The following PSMD2 variants were observed in gnomAD, a reference collection of about 807,000 sequenced individuals.
PSMD2 encodes the protein 26S proteasome non-ATPase regulatory subunit 2.
A neutral mutation model predicts 101.5 loss-of-function variants in PSMD2; 8 were observed. The observed-to-expected ratio is 0.08, with a 90% CI of 0.05 to 0.14. The LOEUF (loss-of-function observed/expected upper bound fraction) is 0.14, where lower values mean the gene tolerates loss of function less well. Ranked by LOEUF, PSMD2 falls within the 10% of genes least tolerant of loss-of-function variation. PSMD2 has a pLI of 1.00. For synonymous variants in PSMD2, 418 were observed against 433.8 expected (o/e 0.96, Z 0.45); for missense variants, 784 against 1,147.4 (o/e 0.68, Z 4.58).
chr3:184,299,727 G>A (rs746498127), intron 1 of PSMD2, 124 bp from the exon 2 acceptor site: 28 of 801,220 alleles, frequency 3.5e-5, no homozygotes, highest in Non-Finnish European at 5.2e-5. Context: ...ATTCCCACTC[G>A]GTTTCCTTGT....
rs1480763910 is a variant in PSMD2, at chr3:184,305,918, C to T, written c.1690C>T (p.Leu564Phe). 1 of 1,613,978 alleles carries T rather than the reference C, an allele frequency of 6.2e-7. No homozygotes were observed. The highest frequency in any genetic ancestry group is 1.1e-5 in the South Asian group (1 of 91,078). ...TCGTTGGCTTCCTCTTGGACTGGGT[C>T]TCAACCACCTGGGTGAGGGGATGTT... ...YARWLPLGLG[L>F]NHLGKGEAIE... is the part of the protein sequence containing the mutation. Residue 564 changes from leucine (L) to phenylalanine (F), a missense_variant, in exon 13 of 21, where the codon CTC (leucine) becomes TTC (phenylalanine). By Grantham distance (22) the Leu-to-Phe change is conservative (BLOSUM62 0). This residue lies in a region of PSMD2 where 282 missense variants were observed against 437.6 expected (regional missense o/e 0.64). Transcript: ENST00000310118.
chr3:184,307,076 C>G (rs569072131), intron 16 of PSMD2, among the ~76,000 whole-genome samples: 2 of 152,264 alleles, frequency 1.3e-5, no homozygotes, highest in Admixed American at 1.3e-4. Context: ...TCACAAGTAG[C>G]TGGGACTACA....
intron 1 of PSMD2, 125 bp downstream of exon 1, chr3:184,299,526 C>T (rs1721571833): frequency 2.4e-6 from 3 of 1,228,686 alleles, no homozygotes; most frequent in South Asian, 2.2e-5. Context: ...GGGCGACCCT[C>T]GGGACTCCCG....
chr3:184,308,958 G>A lies in PSMD2; in HGVS notation c.*68G>A. On this transcript the variant is annotated 3_prime_UTR_variant, in exon 21 of 21. Transcript: ENST00000310118. This position sits in a 1 kb window ranked among gnomAD's most constrained non-coding sequence, Gnocchi z 6.0. ...GGCCATGCATCCTGCTGCCAAGGGT[G>A]GACACGGCTGCAGACTTCTGGGGGA... 6.7e-7 allele frequency: 1 copy of A among 1,483,486 alleles called. No individual in the cohort carries two copies. The highest frequency in any genetic ancestry group is 9.2e-7 in the Non-Finnish European group (1 of 1,086,128). The allele number at this position is 1,483,486 out of a possible 1,614,324, so 91.9% of individuals were successfully genotyped here. A position where few individuals can be genotyped will look rare whatever the true frequency, so the allele number is the denominator to read the frequency against.
intron 17 of PSMD2, 35 bp from the exon 18 acceptor site, chr3:184,307,579 C>T: frequency 6.2e-7 from 1 of 1,614,030 alleles, no homozygotes; most frequent in Non-Finnish European, 8.5e-7. Flanking sequence ...ATTTGAAGCC[C>T]CTTTTTTCAC....
Position 184,306,088 on chromosome 3 carries a change from A to G in PSMD2, c.1737A>G (p.Ala579=), listed in dbSNP as rs756677510. The change falls in exon 14 of 21, where the codon GCA becomes GCG. Residue 579 remains alanine, a synonymous_variant. Coordinates refer to ENST00000310118, the MANE Select transcript of PSMD2 (RefSeq NM_002808.5). Reference sequence around the variant, plus strand: ...AGGCCATCGAGGCAATCCTGGCTGCACTGGAGGTTGTGTCAGAGCCATTCC... The same window carrying G: ...AGGCCATCGAGGCAATCCTGGCTGCGCTGGAGGTTGTGTCAGAGCCATTCC... ...KGEAIEAILA[A]LEVVSEPFRS... is the part of the protein sequence containing the mutation. The G allele has an allele frequency of 6.2e-7, 1 of 1,614,058 alleles. No individual in the cohort carries two copies. The highest frequency in any genetic ancestry group is 8.5e-7 in the Non-Finnish European group (1 of 1,180,048).
Position 184,304,324 on chromosome 3 carries a change from G to C in PSMD2, c.1472G>C (p.Gly491Ala). Residue 491 changes from glycine (G) to alanine (A), a missense_variant, in exon 12 of 21, where the codon GGC becomes GCC. Around this residue, in one of 6 missense-constraint regions of PSMD2, gnomAD observed 282 missense variants for 437.6 expected, o/e 0.64. Transcript: ENST00000310118. The surrounding 1 kb of genome is among the most constrained non-coding windows in gnomAD (Gnocchi z 4.1). ...TGCAGGCTAGGCTTGGCTTATGCTG[G>C]CTCAAATCGTGAAGATGTCCTAACA... Reference protein sequence around the residue: ...SIFGLGLAYAGSNREDVLTLL... With the variant: ...SIFGLGLAYAASNREDVLTLL... The C allele has an allele frequency of 6.2e-7, 1 of 1,614,222 alleles. No homozygotes were observed. Among genetic ancestry groups the C allele is most frequent in the Non-Finnish European group, 8.5e-7 (1 of 1,180,046 alleles).
chr3:184,302,855 T>C, intron 7 of PSMD2, 32 bp downstream of exon 7: 1 of 1,613,608 alleles, frequency 6.2e-7, no homozygotes, highest in Non-Finnish European at 8.5e-7. Context: ...CAAGGCCTTT[T>C]CGTCATAATT....
In PSMD2 at chr3:184,306,342, T is replaced by G; in HGVS notation, c.1805-8T>G. On this transcript the variant is annotated splice_region_variant and splice_polypyrimidine_tract_variant and intron_variant, in intron 14 of 20. Coordinates refer to ENST00000310118, the MANE Select transcript of PSMD2 (RefSeq NM_002808.5). ...TTCTGTCCATTCTCCCTCACCACCCTGACGCAGGCTCTGGGAATGTGCTGA... is the reference window on the plus strand; with the variant it reads ...TTCTGTCCATTCTCCCTCACCACCCGGACGCAGGCTCTGGGAATGTGCTGA... 1 of 1,612,712 alleles carries G rather than the reference T, an allele frequency of 6.2e-7. No individual in the cohort carries two copies. The highest frequency in any genetic ancestry group is 8.5e-7 in the Non-Finnish European group (1 of 1,179,470).
Position 184,304,172 on chromosome 3 carries a change from T to G in PSMD2, c.1451+98T>G, listed in dbSNP as rs1327278412. 1 of 1,559,606 alleles carries G rather than the reference T, an allele frequency of 6.4e-7. No individual in the cohort carries two copies. Among genetic ancestry groups the G allele is most frequent in the Non-Finnish European group, 8.8e-7 (1 of 1,131,480 alleles). On this transcript the variant is annotated intron_variant, in intron 11 of 20. Transcript: ENST00000310118. This position sits in a 1 kb window ranked among gnomAD's most constrained non-coding sequence, Gnocchi z 4.1. ...CACCCATATTGCCAAGGGCTACCAC[T>G]GTGCCTATTGGGTATCTGGCTCTTG... is the stretch of plus-strand genomic sequence containing the variant.
At chr3:184,300,503 A>T (rs1721605724) in intron 3 of PSMD2, 59 bp downstream of exon 3, 1 of 1,570,092 alleles carries the variant, frequency 6.4e-7, no homozygotes, top group South Asian at 1.2e-5. Flanking sequence ...TACCCAGATC[A>T]TGGGGGGACT....
intron 6 of PSMD2, 65 bp downstream of exon 6, chr3:184,302,593 G>A (rs1721682620): frequency 6.2e-7 from 1 of 1,611,238 alleles, no homozygotes; most frequent in African/African-American, 1.3e-5. Flanking sequence ...AAAGAGCTGG[G>A]ACTTGTAGTT....
At chr3:184,300,738 A>C in intron 3 of PSMD2, 2 of 898,570 alleles carry the variant, frequency 2.2e-6, no homozygotes. Flanking sequence ...ACATTCATTT[A>C]TCTCTAAAAT....
rs753110572 is a variant in PSMD2, at chr3:184,308,408, CT to C, written c.2426-36del. On this transcript the variant is annotated intron_variant, in intron 19 of 20. Coordinates refer to ENST00000310118, the MANE Select transcript of PSMD2 (RefSeq NM_002808.5). The surrounding 1 kb of genome is among the most constrained non-coding windows in gnomAD (Gnocchi z 6.0). ...TCTCAATGTTTCTGGCCAGGCCTGT[CT>C]TTTTGTCTCTTAACTTTTTGTCCTG... 1.3e-6 allele frequency: 2 copies of C among 1,514,896 alleles called. No homozygotes were observed. The highest frequency in any genetic ancestry group is 1.8e-6 in the Non-Finnish European group (2 of 1,104,192). 93.8% of individuals were successfully genotyped at this position (1,514,896 alleles called of 1,614,324 possible).
chr3:184,300,873 ACAGTCTGT>A (rs1175089118), intron 3 of PSMD2, among the ~76,000 whole-genome samples: 2 of 151,622 alleles, frequency 1.3e-5, no homozygotes, highest in African/African-American at 4.8e-5. Context: ...TTGTTCCTAC[ACAGTCTGT>A]CTCTCATGTA....
In PSMD2 at chr3:184,304,285, C is replaced by T. The variant is rs372603643; in HGVS notation, c.1452-19C>T. On this transcript the variant is annotated intron_variant, in intron 11 of 20. Transcript: ENST00000310118. The surrounding 1 kb of genome is among the most constrained non-coding windows in gnomAD (Gnocchi z 4.1). ...TCGTTGGGTATGTGTTGGGGACCGC[C>T]TTTCCATGGCTTTTGCAGGCTAGGC... The T allele has an allele frequency of 3.4e-5, 55 of 1,613,524 alleles. No homozygotes were observed. The Middle Eastern group carries it at 8.2e-4, about 24-fold the overall frequency.
chr3:184,300,206 A>G, intron 2 of PSMD2, 74 bp from the exon 3 acceptor site: 1 of 1,409,214 alleles, frequency 7.1e-7, no homozygotes, highest in Non-Finnish European at 9.8e-7. Flanking sequence ...GGAGTTGTTA[A>G]GTTAAATATC....
At position 184,307,380 on chromosome 3, in the gene PSMD2, C is replaced by G; in HGVS notation, c.2058C>G (p.Leu686=). 6.2e-7 allele frequency: 1 copy of G among 1,614,172 alleles called. No homozygotes were observed. Among genetic ancestry groups the G allele is most frequent in the Non-Finnish European group, 8.5e-7 (1 of 1,179,996 alleles). The change falls in exon 17 of 21, where the codon CTC becomes CTG. Residue 686 remains leucine, a synonymous_variant. Coordinates refer to ENST00000310118, the MANE Select transcript of PSMD2 (RefSeq NM_002808.5). ...GHLLRYGEPT[L]RRAVPLALAL... is the part of the protein sequence containing the mutation. The stretch of plus-strand genomic sequence containing the variant: ...AGCTGAGATATGGGGAGCCTACACT[C>G]CGGAGGGCTGTACCTTTAGCACTGG...
chr3:184,305,019 C>T (rs1560195700), intron 12 of PSMD2, among the ~76,000 whole-genome samples: 1 of 152,170 alleles, frequency 6.6e-6, no homozygotes, highest in Non-Finnish European at 1.5e-5. Context: ...GTATTGTAGT[C>T]ATTGGTCAGC....
Sources: gnomAD v4.1 joint callset for allele counts (sites outside exome capture counted in the v4.1 genomes callset) on GRCh38, gnomAD v4.1.1 for gene constraint, gnomAD v4.1.1 regional missense constraint, Gnocchi (gnomAD v3.1) non-coding constraint, MANE v1.5 for transcripts, NCBI Gene and HGNC (gene_info 2026-07-23, HGNC 2026-07-21) for gene names.